Variants in ZDHHC8 observed in about 807,000 individuals in gnomAD.
ZDHHC8 encodes the protein zDHHC palmitoyltransferase 8, also known as palmitoyltransferase ZDHHC8.
Under a neutral mutation model 61.2 loss-of-function variants are expected in ZDHHC8, and 24 were observed. The observed-to-expected ratio is 0.39, with a 90% CI of 0.28 to 0.55. The LOEUF is 0.55. Ranked by LOEUF, ZDHHC8 falls within the 20% of genes least tolerant of loss-of-function variation. The pLI, the probability that ZDHHC8 is intolerant of heterozygous loss-of-function variation, is 0.60. For missense variants in ZDHHC8, 935 were observed against 1,102.1 expected, an observed-to-expected ratio of 0.85 and a Z score of 2.15; for synonymous variants, 523 against 492.5, an observed-to-expected ratio of 1.06 and a Z score of -0.82.
chr22:20,146,684 G>C lies in ZDHHC8; in HGVS notation c.*1284G>C. ...TGAGGGTCTCTCGCCTTGGGTCTGT[G>C]TCAGTTCTGGCAGTGACAGGGTGTT... On this transcript the variant is annotated 3_prime_UTR_variant, in exon 11 of 11. Transcript: ENST00000334554. The C allele has an allele frequency of 9.2e-7, 1 of 1,084,598 alleles. No individual in the cohort carries two copies. The highest frequency in any genetic ancestry group is 1.1e-6 in the Non-Finnish European group (1 of 894,344). The allele number at this position is 1,084,598 out of a possible 1,614,324, so 67.2% of individuals were successfully genotyped here. A position where few individuals can be genotyped will look rare whatever the true frequency, so the allele number is the denominator to read the frequency against.
chr22:20,139,774 C>T lies in ZDHHC8; in HGVS notation c.439C>T (p.Arg147Cys), dbSNP rs1602570328. ...CAACTGCATCGGGCGTCGAAACTAT[C>T]GCTACTTCTTCCTGTTCCTGCTGTC... Reference protein sequence around the residue: ...VNNCIGRRNYRYFFLFLLSLS... With the variant: ...VNNCIGRRNYCYFFLFLLSLS... Residue 147 changes from arginine to cysteine, a missense_variant, in exon 4 of 11, where the codon CGC becomes TGC. Around this residue, in one of 3 missense-constraint regions of ZDHHC8, gnomAD observed 199 missense variants for 334.0 expected, o/e 0.60. Transcript: ENST00000334554. 2 of 1,613,192 alleles carry T rather than the reference C, an allele frequency of 1.2e-6. No homozygotes were observed. Among genetic ancestry groups the T allele is most frequent in the Non-Finnish European group, 1.7e-6 (2 of 1,180,018 alleles).
chr22:20,141,397 T>C, intron 8 of ZDHHC8, 24 bp from the exon 9 acceptor site: 1 of 1,612,398 alleles, frequency 6.2e-7, no homozygotes, highest in Non-Finnish European at 8.5e-7. Context: ...CTGACCTCAG[T>C]CTGACAGTGG....
At chr22:20,137,933 G>A (rs1234173216) in intron 1 of ZDHHC8, among the ~76,000 whole-genome samples, 1 of 152,248 alleles carries the variant, frequency 6.6e-6, no homozygotes, top group Non-Finnish European at 1.5e-5. Flanking sequence ...TACCTCCACG[G>A]GCTGGGCCCT....
chr22:20,141,094 G>A (rs1458569558), intron 7 of ZDHHC8, 82 bp downstream of exon 7: 1 of 1,597,556 alleles, frequency 6.3e-7, no homozygotes, highest in African/African-American at 1.3e-5. Context: ...CCTAGAAGAG[G>A]TGGATGGGGC....
chr22:20,141,389 G>A (rs747003087), intron 8 of ZDHHC8, 32 bp from the exon 9 acceptor site: 19 of 1,612,086 alleles, frequency 1.2e-5, no homozygotes, highest in Middle Eastern at 1.6e-4. Context: ...ACCCTCCTCT[G>A]ACCTCAGTCT....
At chr22:20,142,733 G>T (rs777081822) in intron 9 of ZDHHC8, 23 bp from the exon 10 acceptor site, 2 of 1,611,330 alleles carry the variant, frequency 1.2e-6, no homozygotes, top group Non-Finnish European at 1.7e-6. Flanking sequence ...GTGGGCAGTG[G>T]TGAGAATGCC....
Position 20,139,335 on chromosome 22 carries a change from C to G in ZDHHC8, c.226+20C>G. The G allele has an allele frequency of 6.2e-7, 1 of 1,610,922 alleles. No individual in the cohort carries two copies. The highest frequency in any genetic ancestry group is 2.2e-5 in the East Asian group (1 of 44,884). Reference sequence around the variant, plus strand: ...CCCGAGGTAGGGCCCTGTGCTGCGGCAGCTCCTCTCACTTTCACTAGAGTG... The same window carrying G: ...CCCGAGGTAGGGCCCTGTGCTGCGGGAGCTCCTCTCACTTTCACTAGAGTG... On this transcript the variant is annotated intron_variant, in intron 2 of 10. Coordinates refer to ENST00000334554, the MANE Select transcript of ZDHHC8 (RefSeq NM_013373.4).
chr22:20,139,255 C>G lies in ZDHHC8; in HGVS notation c.166C>G (p.Leu56Val). The G allele has an allele frequency of 6.2e-7, 1 of 1,614,020 alleles. No homozygotes were observed. Among genetic ancestry groups the G allele is most frequent in the Non-Finnish European group, 8.5e-7 (1 of 1,180,018 alleles). Residue 56 changes from leucine to valine, a missense_variant, in exon 2 of 11, where the codon CTC becomes GTC. Coordinates refer to ENST00000334554, the MANE Select transcript of ZDHHC8 (RefSeq NM_013373.4). The part of the protein sequence containing the change: ...AVPVYNGIIF[L>V]FVLANFSMAT... ...TCCCGTCTACAATGGCATCATCTTC[C>G]TCTTTGTCCTGGCCAACTTCAGCAT... is the stretch of plus-strand genomic sequence containing the variant.
intron 4 of ZDHHC8, 59 bp from the exon 5 acceptor site, chr22:20,140,056 G>C: frequency 6.2e-7 from 1 of 1,602,204 alleles, no homozygotes; most frequent in Non-Finnish European, 8.5e-7. Flanking sequence ...CACCTGCTCT[G>C]TGCTGCTGCG....
In ZDHHC8 at chr22:20,141,452, C is replaced by T; in HGVS notation, c.1047C>T (p.Pro349=). ...ESALSVQRTS[P]PTPAMYKFRP... Reference sequence around the variant, plus strand: ...CCCTGTCGGTGCAGAGGACCAGCCCCCCGACACCTGCCATGTACAAGTTTA... The same window carrying T: ...CCCTGTCGGTGCAGAGGACCAGCCCTCCGACACCTGCCATGTACAAGTTTA... Residue 349 remains proline (P), a synonymous_variant, in exon 9 of 11, where the codon CCC becomes CCT. Transcript: ENST00000334554. The T allele has an allele frequency of 1.2e-6, 2 of 1,613,422 alleles. No individual in the cohort carries two copies. Among genetic ancestry groups the T allele is most frequent in the South Asian group, 2.2e-5 (2 of 91,078 alleles).
In ZDHHC8 at chr22:20,139,326, G is replaced by A; in HGVS notation, c.226+11G>A. ...GTGTTTTCCCCCGAGGTAGGGCCCT[G>A]TGCTGCGGCAGCTCCTCTCACTTTC... On this transcript the variant is annotated intron_variant, in intron 2 of 10. Transcript: ENST00000334554. 2 of 1,612,470 alleles carry A rather than the reference G, an allele frequency of 1.2e-6. No homozygotes were observed. Among genetic ancestry groups the A allele is most frequent in the Admixed American group, 3.3e-5 (2 of 59,866 alleles).
At chr22:20,139,378 A>G in intron 2 of ZDHHC8, 63 bp downstream of exon 2, 1 of 1,605,026 alleles carries the variant, frequency 6.2e-7, no homozygotes, top group South Asian at 1.1e-5. Context: ...CTAACTTGAG[A>G]CAGCCTTAGG....
At chr22:20,138,950 G>A (rs2050443807) in intron 1 of ZDHHC8, among the ~76,000 whole-genome samples, 1 of 152,124 alleles carries the variant, frequency 6.6e-6, no homozygotes, top group Admixed American at 6.5e-5. Flanking sequence ...TGAGACGGCT[G>A]CCCTGAGAGG....
Position 20,143,724 on chromosome 22 carries a change from C to T in ZDHHC8, c.2094C>T (p.Leu698=), listed in dbSNP as rs2050497397. 6.2e-7 allele frequency: 1 copy of T among 1,609,780 alleles called. No individual in the cohort carries two copies. Among genetic ancestry groups the T allele is most frequent in the Admixed American group, 1.7e-5 (1 of 59,936 alleles). ...CTGTCGCCTTCATCCACACGGACCT[C>T]CCAGAGCCACCGCCCTCGCTGACCG... ...PKAVAFIHTD[L]PEPPPSLTVQ... Residue 698 remains leucine (L), a synonymous_variant, in exon 10 of 11, where the codon CTC becomes CTT. Transcript: ENST00000334554.
At chr22:20,138,605 A>G (rs550280726) in intron 1 of ZDHHC8, among the ~76,000 whole-genome samples, 14 of 152,266 alleles carry the variant, frequency 9.2e-5, no homozygotes, top group Non-Finnish European at 1.3e-4. Context: ...GGTGTTGTGC[A>G]TTCTAGAGTC....
In ZDHHC8 at chr22:20,146,746, G is replaced by T. The variant is rs1010334449; in HGVS notation, c.*1346G>T. The T allele has an allele frequency of 1.7e-6, 2 of 1,203,358 alleles. No homozygotes were observed. The highest frequency in any genetic ancestry group is 1.6e-5 in the African/African-American group (1 of 63,674). The allele number at this position is 1,203,358 out of a possible 1,614,324, so 74.5% of individuals were successfully genotyped here. On this transcript the variant is annotated 3_prime_UTR_variant, in exon 11 of 11. Transcript: ENST00000334554. Reference sequence around the variant, plus strand: ...CTTGGGTCTGCCGCTACCCACAGGGGACTCTCAGGAACCCGAGAGCTTGGG... The same window carrying T: ...CTTGGGTCTGCCGCTACCCACAGGGTACTCTCAGGAACCCGAGAGCTTGGG...
rs2050533357 is a variant in ZDHHC8 at position 20,147,054 on chromosome 22, G to A, written c.*1654G>A. ...TTGGCACCTGCACCCGTGGATGGGG[G>A]CGGCGTGGCCAGCCTTGGGTGCCTC... On this transcript the variant is annotated 3_prime_UTR_variant, in exon 11 of 11. Transcript: ENST00000334554. 1.4e-6 allele frequency: 2 copies of A among 1,465,920 alleles called. No individual in the cohort carries two copies. The highest frequency in any genetic ancestry group is 1.8e-6 in the Non-Finnish European group (2 of 1,109,242). The allele number at this position is 1,465,920 out of a possible 1,614,324, so 90.8% of individuals were successfully genotyped here.
intron 5 of ZDHHC8, 182 bp from the exon 6 acceptor site, chr22:20,140,435 C>T (rs1018136897): frequency 1.2e-6 from 1 of 803,572 alleles, no homozygotes; most frequent in South Asian, 1.8e-5. Flanking sequence ...CCCAGAAATC[C>T]CACAGCTCCC....
At chr22:20,140,498 C>T (rs2148006594) in intron 5 of ZDHHC8, 119 bp from the exon 6 acceptor site, 2 of 1,127,586 alleles carry the variant, frequency 1.8e-6, no homozygotes, top group Non-Finnish European at 1.2e-6. Flanking sequence ...GCTGATCCCA[C>T]CTAAGCCACT....
Sources: gnomAD v4.1 joint callset for allele counts (sites outside exome capture counted in the v4.1 genomes callset) on GRCh38, gnomAD v4.1.1 for gene constraint, gnomAD v4.1.1 regional missense constraint, MANE v1.5 for transcripts, NCBI Gene and HGNC (gene_info 2026-07-23, HGNC 2026-07-21) for gene names.